THRAP3: variants seen among roughly 807,000 people sequenced by gnomAD.
THRAP3 encodes the protein thyroid hormone receptor-associated protein 3.
In THRAP3, 16 loss-of-function variants were observed where a neutral mutation model predicts 101.0. The observed-to-expected ratio is 0.16, with a 90% CI of 0.11 to 0.24. The LOEUF is 0.24. THRAP3 is among the 10% of genes least tolerant of loss of function. The pLI is 1.00. For synonymous variants in THRAP3, 407 were observed against 422.6 expected (o/e 0.96, Z 0.45); for missense variants, 989 against 1,202.7 (o/e 0.82, Z 2.63).
chr1:36,285,549 C>T (rs1308536715), intron 3 of THRAP3, among the ~76,000 whole-genome samples: 1 of 152,190 alleles, frequency 6.6e-6, no homozygotes, highest in East Asian at 1.9e-4. Context: ...AAGAACACAA[C>T]ACTAGCCTTC....
In THRAP3 at chr1:36,261,255, G is replaced by A. The variant is rs369223635; in HGVS notation, c.-32+1771G>A. On this transcript the variant is annotated intron_variant, in intron 2 of 11. Coordinates refer to ENST00000354618, the MANE Select transcript of THRAP3 (RefSeq NM_005119.4). ...CTACTAAAAATACAAAAATTAGGCCGGGTGCGGTGGCTCACGCCTGTAATC... is the reference window on the plus strand; with the variant it reads ...CTACTAAAAATACAAAAATTAGGCCAGGTGCGGTGGCTCACGCCTGTAATC... Among the ~76,000 whole-genome samples the A allele has an allele frequency of 1.3e-3, 200 of 151,872 alleles. 1 individual carries two copies. Among genetic ancestry groups the A allele is most frequent in the African/African-American group, 4.0e-3 (167 of 41,386 alleles).
At chr1:36,254,645 A>G (rs950821405) in intron 1 of THRAP3, among the ~76,000 whole-genome samples, 19 of 152,192 alleles carry the variant, frequency 1.2e-4, no homozygotes, top group Admixed American at 1.1e-3. Context: ...GCAAGTAGCC[A>G]TATGTAAATG....
chr1:36,239,636 C>G (rs1459601661), intron 1 of THRAP3, among the ~76,000 whole-genome samples: 1 of 152,122 alleles, frequency 6.6e-6, no homozygotes, highest in African/African-American at 2.4e-5. Flanking sequence ...GTTAATCACT[C>G]TGTATCAAGT....
In THRAP3 at chr1:36,252,402, G is replaced by A. The variant is rs142861767; in HGVS notation, c.-134-6980G>A. 3.2e-3 allele frequency among the ~76,000 whole-genome samples: 488 copies of A among 152,236 alleles called. 4 individuals carry two copies. The highest frequency in any genetic ancestry group is 0.011 in the African/African-American group (469 of 41,546). On this transcript the variant is annotated intron_variant, in intron 1 of 11. Transcript: ENST00000354618. The stretch of plus-strand genomic sequence containing the variant: ...GGCCTCCCAAAGTATATGTTTACAG[G>A]CATGAGCCACCGTGCCTGGCCAAGG...
chr1:36,272,507 A>G (rs1645604494), intron 2 of THRAP3, among the ~76,000 whole-genome samples: 1 of 152,046 alleles, frequency 6.6e-6, no homozygotes, highest in South Asian at 2.1e-4. Context: ...GGAGATGATG[A>G]CCTCCAGAGA....
At chr1:36,238,792 C>T (rs998497751) in intron 1 of THRAP3, among the ~76,000 whole-genome samples, 9 of 151,766 alleles carry the variant, frequency 5.9e-5, no homozygotes, top group African/African-American at 2.2e-4. Context: ...TACTGCCCCT[C>T]AAACTCCTGG....
rs1645890576 is a variant in THRAP3 at position 36,292,598 on chromosome 1, A to T, written c.1919A>T (p.Glu640Val). 1.2e-6 allele frequency: 2 copies of T among 1,611,936 alleles called. No individual in the cohort carries two copies. The highest frequency in any genetic ancestry group is 1.7e-6 in the Non-Finnish European group (2 of 1,178,654). Residue 640 changes from glutamate (E) to valine (V), a missense_variant and splice_region_variant, in exon 7 of 12, where the codon GAG becomes GTG. Coordinates refer to ENST00000354618, the MANE Select transcript of THRAP3 (RefSeq NM_005119.4). ...AATGTGTTTCTTTTAATCCCAACAG[A>T]GCATCACTTTGGGTCCTCAGGAATG... is the stretch of plus-strand genomic sequence containing the variant. ...HIVTIVHHVKEHHFGSSGMTL... is the reference protein window; with the variant it reads ...HIVTIVHHVKVHHFGSSGMTL...
At chr1:36,258,909 A>G (rs1042293631) in intron 1 of THRAP3, among the ~76,000 whole-genome samples, 5 of 152,224 alleles carry the variant, frequency 3.3e-5, no homozygotes, top group African/African-American at 7.2e-5. Context: ...ATGTATGACC[A>G]TGTTCATAGA....
chr1:36,274,620 T>C (rs1368603352), intron 2 of THRAP3, among the ~76,000 whole-genome samples: 1 of 141,216 alleles, frequency 7.1e-6, no homozygotes, highest in Non-Finnish European at 1.5e-5. Flanking sequence ...TTATGATTAA[T>C]TGGGCTTTTT....
chr1:36,208,118 A>G, the THRAP3 span, among the ~76,000 whole-genome samples: 1,483 of 152,254 alleles, frequency 9.7e-3, 16 homozygotes, highest in African/African-American at 0.034. Flanking sequence ...GCCTACCTGG[A>G]AGGAGACTAA....
chr1:36,270,600 G>A (rs1390243491), intron 2 of THRAP3, among the ~76,000 whole-genome samples: 1 of 89,462 alleles, frequency 1.1e-5, no homozygotes, highest in Non-Finnish European at 2.2e-5. Flanking sequence ...TTTTTGAGAC[G>A]GAGTTTCGCT....
At chr1:36,215,558 C>A in the THRAP3 span, among the ~76,000 whole-genome samples, 1 of 152,092 alleles carries the variant, frequency 6.6e-6, no homozygotes, top group South Asian at 2.1e-4. Context: ...AACAGGACCT[C>A]CGGATTCTAT....
intron 2 of THRAP3, among the ~76,000 whole-genome samples, chr1:36,266,163 A>AG (rs1645511970): frequency 6.6e-6 from 1 of 150,424 alleles, no homozygotes; most frequent in African/African-American, 2.4e-5. Context: ...AAAAAAAGAA[A>AG]AAAAAAAAAA....
chr1:36,273,460 C>T (rs548173227), intron 2 of THRAP3, among the ~76,000 whole-genome samples: 8 of 152,268 alleles, frequency 5.3e-5, no homozygotes, highest in African/African-American at 1.9e-4. Context: ...AAATTTACAG[C>T]TAACATCATA....
At chr1:36,242,910 T>G (rs1024218114) in intron 1 of THRAP3, among the ~76,000 whole-genome samples, 11 of 151,550 alleles carry the variant, frequency 7.3e-5, no homozygotes, top group Non-Finnish European at 1.0e-4. Flanking sequence ...ACAGTTAGTG[T>G]TTTTTTTTAA....
At chr1:36,285,827 C>CT (rs1388140812) in intron 3 of THRAP3, among the ~76,000 whole-genome samples, 1 of 152,194 alleles carries the variant, frequency 6.6e-6, no homozygotes, top group African/African-American at 2.4e-5. Context: ...TGTAACTATA[C>CT]TTTTAACGAT....
At chr1:36,224,088 G>T (rs1570206400), upstream of THRAP3, among the ~76,000 whole-genome samples, 2 of 152,358 alleles carry the variant, frequency 1.3e-5, no homozygotes, top group East Asian at 3.9e-4. Context: ...TTTCAACAAG[G>T]CAAGCTGGCC....
intron 4 of THRAP3, chr1:36,287,666 T>C (rs1262361199): frequency 1.0e-6 from 1 of 985,330 alleles, no homozygotes; most frequent in Non-Finnish European, 1.2e-6. Context: ...CTATGTTCGA[T>C]CTGCATCAGC....
intron 1 of THRAP3, chr1:36,225,121 C>T (rs188831408): frequency 1.4e-4 from 21 of 152,202 alleles, no homozygotes; most frequent in African/African-American, 5.1e-4. Flanking sequence ...TTTTGCTTCT[C>T]TTAGCACCTA....
Sources: allele counts gnomAD v4.1 joint callset (sites outside exome capture counted in the v4.1 genomes callset), GRCh38; gene constraint gnomAD v4.1.1; transcripts MANE v1.5; gene names NCBI Gene and HGNC (gene_info 2026-07-23, HGNC 2026-07-21).